Variants in SNX29 observed in about 807,000 individuals in gnomAD.
SNX29 encodes the protein sorting nexin 29.
Under a neutral mutation model 102.1 loss-of-function variants are expected in SNX29, and 78 were observed. The observed-to-expected ratio is 0.76, with a 90% CI of 0.64 to 0.92. The LOEUF (loss-of-function observed/expected upper bound fraction) is 0.92, where lower values mean the gene tolerates loss of function less well. Ranked by LOEUF, SNX29 falls within the 40% of genes least tolerant of loss-of-function variation. SNX29 has a pLI of 0.00. For missense variants in SNX29, 1,280 were observed against 1,061.7 expected, an observed-to-expected ratio of 1.21 and a Z score of -2.86; for synonymous variants, 580 against 414.5, an observed-to-expected ratio of 1.40 and a Z score of -4.85.
At chr16:12,565,120 CTT>C (rs1033152895) in intron 20 of SNX29, among the ~76,000 whole-genome samples, 1 of 143,474 alleles carries the variant, frequency 7.0e-6, no homozygotes, top group African/African-American at 2.7e-5. Context: ...GCCCTAGTCT[CTT>C]ATCCACATTA....
At chr16:12,383,190 G>A (rs2083234247) in intron 16 of SNX29, among the ~76,000 whole-genome samples, 1 of 152,144 alleles carries the variant, frequency 6.6e-6, no homozygotes, top group South Asian at 2.1e-4. Flanking sequence ...GGTCACCATT[G>A]TGATGAGCTT....
chr16:12,208,977 G>A (rs1049094987), intron 14 of SNX29, among the ~76,000 whole-genome samples: 3 of 152,160 alleles, frequency 2.0e-5, no homozygotes, highest in Non-Finnish European at 4.4e-5. Context: ...TGTTCTGCAC[G>A]GGTACATTGT....
chr16:12,543,979 C>G (rs907758107), intron 20 of SNX29, among the ~76,000 whole-genome samples: 2 of 152,188 alleles, frequency 1.3e-5, no homozygotes, highest in African/African-American at 4.8e-5. Context: ...TGGTCTCAGC[C>G]AAGGTCACAC....
chr16:12,440,709 G>C (rs2085760880), intron 18 of SNX29, among the ~76,000 whole-genome samples: 1 of 151,552 alleles, frequency 6.6e-6, no homozygotes, highest in Non-Finnish European at 1.5e-5. Flanking sequence ...TTCTGTTTCT[G>C]TGTTAGTTTG....
chr16:12,314,868 A>G (rs1358263675), intron 15 of SNX29, among the ~76,000 whole-genome samples: 1 of 152,222 alleles, frequency 6.6e-6, no homozygotes, highest in East Asian at 1.9e-4. Flanking sequence ...AACATGACAC[A>G]CACGATGTTA....
chr16:12,127,979 C>G (rs926121116), intron 12 of SNX29, among the ~76,000 whole-genome samples: 18 of 152,240 alleles, frequency 1.2e-4, no homozygotes, highest in Admixed American at 7.2e-4. Flanking sequence ...GTCACCCTTT[C>G]TTACTCACAC....
chr16:12,364,882 C>A (rs754547002), intron 16 of SNX29, among the ~76,000 whole-genome samples: 1 of 152,198 alleles, frequency 6.6e-6, no homozygotes, highest in Non-Finnish European at 1.5e-5. Flanking sequence ...TCCCCACCAC[C>A]TCCGCTCTCT....
rs550681049 is a variant in SNX29, at chr16:12,181,675, C to T, written c.1596-17926C>T. ...GAGGGGGCTGCCGGTGATTTGGGGG[C>T]CTGTTGGTGATTTTGGGAGGTCTGT... On this transcript the variant is annotated intron_variant, in intron 13 of 20. Transcript: ENST00000566228. Among the ~76,000 whole-genome samples the T allele has an allele frequency of 2.1e-5, 3 of 145,646 alleles. No individual in the cohort carries two copies. The East Asian group carries it at 6.2e-4, about 30-fold the overall frequency.
At chr16:12,509,710 G>C (rs2089525349) in intron 19 of SNX29, among the ~76,000 whole-genome samples, 2 of 152,198 alleles carry the variant, frequency 1.3e-5, no homozygotes, top group Admixed American at 1.3e-4. Context: ...CTTCAGCCCA[G>C]GAGTTTGAGA....
chr16:12,440,635 C>G (rs894910173), intron 18 of SNX29, among the ~76,000 whole-genome samples: 3 of 152,118 alleles, frequency 2.0e-5, no homozygotes, highest in African/African-American at 7.2e-5. Flanking sequence ...TGGTGTTTCC[C>G]TCTGTGTCAC....
rs1160920143 is a variant in SNX29 at position 12,570,558 on chromosome 16, C to G, written c.*1929C>G. 8.6e-6 allele frequency: 2 copies of G among 232,288 alleles called. No homozygotes were observed. The highest frequency in any genetic ancestry group is 1.7e-5 in the Non-Finnish European group (2 of 117,542). 14.4% of individuals were successfully genotyped at this position (232,288 alleles called of 1,614,324 possible). ...TAGGTGTTTGATGCCAGCTCAGAGA[C>G]TGTCTCAGGAGTGCCTCCCTGGCCT... On this transcript the variant is annotated 3_prime_UTR_variant, in exon 21 of 21. Coordinates refer to ENST00000566228, the MANE Select transcript of SNX29 (RefSeq NM_032167.5).
At chr16:12,056,157 C>T (rs952620541) in intron 8 of SNX29, among the ~76,000 whole-genome samples, 3 of 152,232 alleles carry the variant, frequency 2.0e-5, no homozygotes, top group Non-Finnish European at 4.4e-5. Context: ...GCTGGGATTG[C>T]AGGCATGAGC....
intron 20 of SNX29, among the ~76,000 whole-genome samples, chr16:12,542,288 T>TCCA (rs1567680047): frequency 6.6e-6 from 1 of 152,146 alleles, no homozygotes; most frequent in African/African-American, 2.4e-5. Flanking sequence ...ATGGAGGAAC[T>TCCA]TGCCCAAGAT....
intron 14 of SNX29, among the ~76,000 whole-genome samples, chr16:12,260,940 GGAGT>G (rs933801075): frequency 1.7e-4 from 26 of 151,066 alleles, no homozygotes; most frequent in Non-Finnish European, 2.1e-4. Flanking sequence ...GCCCCCGGCT[GGAGT>G]GAGTATTTGC....
At chr16:12,204,025 G>A (rs538336981) in intron 14 of SNX29, among the ~76,000 whole-genome samples, 35 of 152,304 alleles carry the variant, frequency 2.3e-4, no homozygotes, top group African/African-American at 7.2e-4. Flanking sequence ...ATCTCAGGGC[G>A]TTAGTACACA....
intron 20 of SNX29, among the ~76,000 whole-genome samples, chr16:12,553,487 G>A (rs182985250): frequency 1.1e-3 from 175 of 152,276 alleles, no homozygotes; most frequent in Non-Finnish European, 8.4e-4. Context: ...GCTTAGACCA[G>A]GCAGGGCAGG....
chr16:12,572,083 A>G lies in SNX29; in HGVS notation c.*3454A>G. 1 of 1,063,460 alleles carries G rather than the reference A, an allele frequency of 9.4e-7. No individual in the cohort carries two copies. The highest frequency in any genetic ancestry group is 1.1e-6 in the Non-Finnish European group (1 of 877,972). 65.9% of individuals were successfully genotyped at this position (1,063,460 alleles called of 1,614,324 possible). On this transcript the variant is annotated 3_prime_UTR_variant, in exon 21 of 21. Transcript: ENST00000566228. ...CCATCTTGCAAGATCTAGGAAGAGGAAGGGGAGGGATGTGGACTGGGTCTG... is the reference window on the plus strand; with the variant it reads ...CCATCTTGCAAGATCTAGGAAGAGGGAGGGGAGGGATGTGGACTGGGTCTG...
intron 3 of SNX29, among the ~76,000 whole-genome samples, chr16:12,012,684 G>A (rs2056693859): frequency 6.6e-6 from 1 of 152,100 alleles, no homozygotes; most frequent in South Asian, 2.1e-4. Context: ...TGGGATTACA[G>A]GCGTGAGCCA....
intron 15 of SNX29, among the ~76,000 whole-genome samples, chr16:12,286,414 C>T (rs1178748189): frequency 1.4e-5 from 2 of 145,124 alleles, no homozygotes; most frequent in Middle Eastern, 3.7e-3. Context: ...GGTGTGATCT[C>T]GGTTCACTGC....
Sources: gnomAD v4.1 joint callset for allele counts (sites outside exome capture counted in the v4.1 genomes callset) on GRCh38, gnomAD v4.1.1 for gene constraint, MANE v1.5 for transcripts, NCBI Gene and HGNC (gene_info 2026-07-23, HGNC 2026-07-21) for gene names.